Variants in UGT8 observed in about 807,000 individuals in gnomAD.
UGT8 encodes 2-hydroxyacylsphingosine 1-beta-galactosyltransferase.
UGT8 carries 12 observed loss-of-function variants against 40.5 expected under a neutral mutation model. The observed-to-expected ratio is 0.30, with a 90% CI of 0.19 to 0.48. The LOEUF is 0.48. Among genes scored for constraint, UGT8 ranks in the 20% least tolerant of loss-of-function variants. The pLI, the probability that UGT8 is intolerant of heterozygous loss-of-function variation, is 0.99. For missense variants in UGT8, 513 were observed against 648.7 expected, an observed-to-expected ratio of 0.79 and a Z score of 2.27; for synonymous variants, 224 against 240.4, an observed-to-expected ratio of 0.93 and a Z score of 0.63.
chr4:114,650,589 C>G (rs955195085), intron 2 of UGT8, among the ~76,000 whole-genome samples: 1 of 152,090 alleles, frequency 6.6e-6, no homozygotes, highest in South Asian at 2.1e-4. Flanking sequence ...TTATGAGATA[C>G]TTAGTCCAAT....
In UGT8 at chr4:114,635,028, C is replaced by CTGTT. The variant is rs374836082; in HGVS notation, c.822+11327_822+11328insGTTT. On this transcript the variant is annotated intron_variant, in intron 2 of 5. Coordinates refer to ENST00000310836, the MANE Select transcript of UGT8 (RefSeq NM_001128174.3). The stretch of plus-strand genomic sequence containing the variant: ...TTTTACAATTTGTGTACTAGTGAAG[C>CTGTT]TTTTTTTTTTTTTAGTAAACCATGA... Among the ~76,000 whole-genome samples the CTGTT allele has an allele frequency of 7.6e-3, 1,079 of 141,574 alleles. 15 individuals are homozygous for CTGTT. The highest frequency in any genetic ancestry group is 0.026 in the African/African-American group (998 of 38,710). The allele number at this position is 141,574 out of a possible 152,430, so 92.9% of individuals were successfully genotyped here.
At chr4:114,605,815 C>A (rs1026195648) in intron 1 of UGT8, among the ~76,000 whole-genome samples, 2 of 151,884 alleles carry the variant, frequency 1.3e-5, no homozygotes, top group African/African-American at 4.8e-5. Flanking sequence ...GAAAATAGGG[C>A]AAACATTTAA....
At chr4:114,658,200 G>T (rs1560701859) in intron 2 of UGT8, among the ~76,000 whole-genome samples, 1 of 152,090 alleles carries the variant, frequency 6.6e-6, no homozygotes, top group Non-Finnish European at 1.5e-5. Context: ...CCAAAGCAGA[G>T]CATTCTTTGT....
At chr4:114,668,028 A>T (rs1476239133) in intron 4 of UGT8, 57 bp from the exon 5 acceptor site, 1 of 1,573,526 alleles carries the variant, frequency 6.4e-7, no homozygotes, top group Non-Finnish European at 8.6e-7. Context: ...TTTCTGGGAA[A>T]ATCTCTTCTG....
chr4:114,611,923 C>A (rs1041607945), intron 1 of UGT8, among the ~76,000 whole-genome samples: 4 of 151,994 alleles, frequency 2.6e-5, no homozygotes, highest in Non-Finnish European at 4.4e-5. Flanking sequence ...AATCAGAAAC[C>A]ATGAGGGCAG....
chr4:114,609,853 A>G (rs1205540831), intron 1 of UGT8, among the ~76,000 whole-genome samples: 1 of 152,178 alleles, frequency 6.6e-6, no homozygotes, highest in African/African-American at 2.4e-5. Flanking sequence ...TGAACCAGAC[A>G]TGTTGATTTC....
At position 114,665,705 on chromosome 4, in the gene UGT8, C is replaced by A. The variant is rs1734820171; in HGVS notation, c.991C>A (p.Leu331Ile). 6.2e-7 allele frequency: 1 copy of A among 1,607,918 alleles called. No homozygotes were observed. Among genetic ancestry groups the A allele is most frequent in the Admixed American group, 1.7e-5 (1 of 59,024 alleles). The part of the protein sequence containing the change: ...WRFSGPKPKN[L>I]GNNTKLIEWL... ...GTTTTCTGGACCCAAACCAAAGAAT[C>A]TAGGAAACAACACTAAACTCATAGA... is the stretch of plus-strand genomic sequence containing the variant. Residue 331 changes from leucine (L) to isoleucine (I), a missense_variant, in exon 4 of 6, where the codon CTA becomes ATA. This residue lies in a region of UGT8 where 335 missense variants were observed against 444.8 expected (regional missense o/e 0.75). Transcript: ENST00000310836.
intron 2 of UGT8, among the ~76,000 whole-genome samples, chr4:114,628,956 A>G (rs4240295): frequency 0.93 from 140,761 of 150,680 alleles, 66,582 homozygotes; most frequent in East Asian, 1. Context: ...CAAAATAGTG[A>G]CTTTCCATAC....
chr4:114,640,968 T>A (rs1268087698), intron 2 of UGT8, among the ~76,000 whole-genome samples: 1 of 152,168 alleles, frequency 6.6e-6, no homozygotes, highest in Non-Finnish European at 1.5e-5. Context: ...AGTCTTACCT[T>A]ATGTGAATCT....
chr4:114,607,955 C>T (rs1400097007), intron 1 of UGT8, among the ~76,000 whole-genome samples: 1 of 152,206 alleles, frequency 6.6e-6, no homozygotes, highest in East Asian at 1.9e-4. Context: ...TACTGACCCA[C>T]TTGCCTTCTT....
chr4:114,628,747 A>G (rs1290771037), intron 2 of UGT8, among the ~76,000 whole-genome samples: 1 of 148,430 alleles, frequency 6.7e-6, no homozygotes, highest in Non-Finnish European at 1.5e-5. Context: ...TCTTGGGGAG[A>G]GATAAGAGAT....
chr4:114,642,204 C>T (rs569394985), intron 2 of UGT8, among the ~76,000 whole-genome samples: 1 of 151,856 alleles, frequency 6.6e-6, no homozygotes, highest in Non-Finnish European at 1.5e-5. Context: ...CGTATATTAA[C>T]CTTTGTTGAC....
chr4:114,617,140 G>A (rs540847513), intron 1 of UGT8, among the ~76,000 whole-genome samples: 1 of 152,296 alleles, frequency 6.6e-6, no homozygotes, highest in South Asian at 2.1e-4. Flanking sequence ...TGTAATCCCA[G>A]CTACTCAGGA....
intron 2 of UGT8, among the ~76,000 whole-genome samples, chr4:114,640,412 T>G (rs1733151129): frequency 6.6e-6 from 1 of 152,198 alleles, no homozygotes; most frequent in Non-Finnish European, 1.5e-5. Flanking sequence ...TTATAGGTAT[T>G]GACTCAAGTA....
rs539126773 is a variant in UGT8, at chr4:114,675,952, G to A, written c.1290G>A (p.Ser430=). 2.8e-5 allele frequency: 45 copies of A among 1,613,498 alleles called. No homozygotes were observed. The Middle Eastern group carries it at 2.5e-3, about 89-fold the overall frequency. ...ACCGTCAGAGGGCTCAGAAGCTTTC[G>A]GAAATTCACAAGGATCAACCTGGTC... ...PSYRQRAQKL[S]EIHKDQPGHP... is the part of the protein sequence containing the mutation. The change falls in exon 6 of 6, where the codon TCG becomes TCA. Residue 430 remains serine, a synonymous_variant. Transcript: ENST00000310836.
intron 1 of UGT8, among the ~76,000 whole-genome samples, chr4:114,603,409 GT>G (rs1263793255): frequency 6.6e-6 from 1 of 152,094 alleles, no homozygotes; most frequent in African/African-American, 2.4e-5. Context: ...AAGTTGATAG[GT>G]TTTCCAGGGC....
At chr4:114,643,178 C>T (rs1022198810) in intron 2 of UGT8, among the ~76,000 whole-genome samples, 1 of 152,138 alleles carries the variant, frequency 6.6e-6, no homozygotes, top group Admixed American at 6.5e-5. Context: ...GTTATAAAAA[C>T]AATGTCTGGA....
chr4:114,605,927 G>A (rs988683616), intron 1 of UGT8, among the ~76,000 whole-genome samples: 11 of 152,116 alleles, frequency 7.2e-5, no homozygotes, highest in Admixed American at 3.3e-4. Context: ...ATTGTGGTTA[G>A]TGACATTAAA....
At chr4:114,661,274 T>C (rs1734514972) in intron 2 of UGT8, among the ~76,000 whole-genome samples, 1 of 152,020 alleles carries the variant, frequency 6.6e-6, no homozygotes, top group Admixed American at 6.6e-5. Flanking sequence ...AGTTAGGATT[T>C]GTGTGTGTGT....
Sources: allele counts gnomAD v4.1 joint callset (sites outside exome capture counted in the v4.1 genomes callset), GRCh38; gene constraint gnomAD v4.1.1; regional missense constraint gnomAD v4.1.1; transcripts MANE v1.5; gene names NCBI Gene and HGNC (gene_info 2026-07-23, HGNC 2026-07-21).